SPATA7: variants seen among roughly 807,000 people sequenced by gnomAD.
The protein encoded by SPATA7 is spermatogenesis-associated protein 7.
A neutral mutation model predicts 51.8 loss-of-function variants in SPATA7; 43 were observed. The ratio of observed to expected loss-of-function variants is 0.83; its 90% CI spans 0.65 to 1.07. The LOEUF is 1.07. SPATA7 is among the 50% of genes least tolerant of loss of function. The probability of loss-of-function intolerance (pLI) is 0.00; values close to 1 mark genes in which losing one functional copy is unlikely to be tolerated. For missense variants in SPATA7, 683 were observed against 701.3 expected (o/e 0.97, Z 0.30); for synonymous variants, 230 against 252.8 (o/e 0.91, Z 0.86).
intron 3 of SPATA7, among the ~76,000 whole-genome samples, chr14:88,449,537 G>T (rs2077236632): frequency 6.6e-6 from 1 of 152,114 alleles, no homozygotes; most frequent in Admixed American, 6.5e-5. Context: ...GCTGATTAAT[G>T]AATATATACT....
chr14:88,469,696 C>A lies in SPATA7; in HGVS notation c.255-151C>A. 6.2e-7 allele frequency: 1 copy of A among 1,614,126 alleles called. No individual in the cohort carries two copies. Among genetic ancestry groups the A allele is most frequent in the South Asian group, 1.1e-5 (1 of 91,050 alleles). On this transcript the variant is annotated intron_variant, in intron 4 of 4. Transcript: ENST00000556406. This position sits in a 1 kb window ranked among gnomAD's most constrained non-coding sequence, Gnocchi z 4.3. Reference sequence around the variant, plus strand: ...GACAGTGTTGTGCCTGGAACCAAGTCGTGGCCAGTACCTAAAGCTCTTCTC... The same window carrying A: ...GACAGTGTTGTGCCTGGAACCAAGTAGTGGCCAGTACCTAAAGCTCTTCTC...
chr14:88,448,081 T>C (rs963704471), intron 3 of SPATA7, among the ~76,000 whole-genome samples: 13 of 152,272 alleles, frequency 8.5e-5, no homozygotes, highest in South Asian at 2.1e-4. Flanking sequence ...GCAGAGTGTT[T>C]TCCAACTTGG....
In SPATA7 at chr14:88,391,341, T is replaced by G. The variant is rs780439593; in HGVS notation, c.20-40T>G. 6.7e-6 allele frequency: 10 copies of G among 1,484,812 alleles called. No individual in the cohort carries two copies. The South Asian group carries it at 1.2e-4, about 17-fold the overall frequency. The allele number at this position is 1,484,812 out of a possible 1,614,324, so 92.0% of individuals were successfully genotyped here. ...TTGTTGTTTTTGTAAAAGTTGTGTTTCATTTATCCTAATTTATGATTTTTT... is the reference window on the plus strand; with the variant it reads ...TTGTTGTTTTTGTAAAAGTTGTGTTGCATTTATCCTAATTTATGATTTTTT... On this transcript the variant is annotated intron_variant, in intron 1 of 11. Transcript: ENST00000393545.
At chr14:88,436,756 C>T (rs1011314371) in intron 10 of SPATA7, among the ~76,000 whole-genome samples, 1 of 152,052 alleles carries the variant, frequency 6.6e-6, no homozygotes, top group African/African-American at 2.4e-5. Context: ...GGATTTGTTT[C>T]TGAGTTCTCT....
intron 6 of SPATA7, 131 bp from the exon 7 acceptor site, chr14:88,427,499 C>A: frequency 1.6e-6 from 1 of 631,000 alleles, no homozygotes; most frequent in Non-Finnish European, 2.8e-6. Flanking sequence ...TCAAATAATT[C>A]AAAATTATGT....
chr14:88,445,033 T>A (rs1031319853), intron 3 of SPATA7, among the ~76,000 whole-genome samples: 58 of 152,168 alleles, frequency 3.8e-4, no homozygotes, highest in African/African-American at 1.4e-3. Flanking sequence ...AAGTCATTGG[T>A]AGCTTGATGG....
chr14:88,454,566 G>A (rs978304301), intron 3 of SPATA7, among the ~76,000 whole-genome samples: 1 of 152,082 alleles, frequency 6.6e-6, no homozygotes, highest in Admixed American at 6.6e-5. Context: ...ACTTTGGGAG[G>A]CCAAGATGGG....
downstream of SPATA7, among the ~76,000 whole-genome samples, chr14:88,443,339 G>A (rs558245018): frequency 4.6e-5 from 7 of 152,208 alleles, no homozygotes; most frequent in African/African-American, 1.7e-4. Context: ...ATCTAGGAGG[G>A]TTGTATATTT....
rs922625124 is a variant in SPATA7, at chr14:88,429,517, T to C, written c.1028+54T>C. ...AACTGTCTTTAATTGCCTTCTTGTA[T>C]AACAGACATATAGTATTTGCCGCAT... On this transcript the variant is annotated intron_variant, in intron 8 of 11. Transcript: ENST00000393545. 3.6e-5 allele frequency: 41 copies of C among 1,124,356 alleles called. 1 individual carries two copies. In the South Asian group the frequency reaches 5.1e-4, roughly 14 times the overall value. The allele number at this position is 1,124,356 out of a possible 1,614,324, so 69.6% of individuals were successfully genotyped here.
chr14:88,426,548 C>T lies in SPATA7; in HGVS notation c.689C>T (p.Ser230Phe), dbSNP rs1248055951. The change falls in exon 6 of 12, where the codon TCT (serine) becomes TTT (phenylalanine). Residue 230 changes from serine (S) to phenylalanine (F), a missense_variant. Transcript: ENST00000393545. Reference sequence around the variant, plus strand: ...AGTGGGGATCTTTTGGATAAACATTCTGAACTCTTTTCTAACAAACAATTG... The same window carrying T: ...AGTGGGGATCTTTTGGATAAACATTTTGAACTCTTTTCTAACAAACAATTG... ...APSGDLLDKH[S>F]ELFSNKQLPF... The T allele has an allele frequency of 1.2e-6, 2 of 1,614,186 alleles. No individual in the cohort carries two copies. The highest frequency in any genetic ancestry group is 1.7e-6 in the Non-Finnish European group (2 of 1,180,038).
intron 3 of SPATA7, among the ~76,000 whole-genome samples, chr14:88,395,160 G>A (rs73321814): frequency 0.035 from 5,365 of 151,966 alleles, 311 homozygotes; most frequent in African/African-American, 0.12. Context: ...CCTGTACTCT[G>A]CTCTTCCACT....
intron 4 of SPATA7, among the ~76,000 whole-genome samples, chr14:88,401,060 G>A (rs1045430928): frequency 6.6e-6 from 1 of 152,068 alleles, no homozygotes; most frequent in African/African-American, 2.4e-5. Flanking sequence ...AAAGCTACAG[G>A]CCAATATATC....
intron 11 of SPATA7, 96 bp downstream of exon 11, chr14:88,437,693 G>T: frequency 7.5e-7 from 1 of 1,329,756 alleles, no homozygotes; most frequent in Non-Finnish European, 1.0e-6. Context: ...AAAAGCAAGT[G>T]CTTTTTTTTT....
At chr14:88,407,790 T>C (rs1485892207) in intron 4 of SPATA7, among the ~76,000 whole-genome samples, 1 of 152,180 alleles carries the variant, frequency 6.6e-6, no homozygotes, top group African/African-American at 2.4e-5. Flanking sequence ...TTGTATAAGG[T>C]GTAAGGAAGG....
chr14:88,430,531 C>A (rs2076912151), intron 8 of SPATA7, among the ~76,000 whole-genome samples: 1 of 152,026 alleles, frequency 6.6e-6, no homozygotes, highest in South Asian at 2.1e-4. Flanking sequence ...TGAATAATAA[C>A]AAAATTTATC....
chr14:88,465,458 C>A (rs935115057), intron 4 of SPATA7, among the ~76,000 whole-genome samples: 1 of 152,158 alleles, frequency 6.6e-6, no homozygotes, highest in African/African-American at 2.4e-5. Flanking sequence ...TAGAGCAAGA[C>A]TCCGTCTCAA....
At chr14:88,465,333 G>T (rs1348885438) in intron 4 of SPATA7, among the ~76,000 whole-genome samples, 1 of 152,124 alleles carries the variant, frequency 6.6e-6, no homozygotes, top group Non-Finnish European at 1.5e-5. Context: ...CGGGCATAGT[G>T]GTGCATGCCT....
At chr14:88,470,233 G>T in exon 5 of SPATA7, 1 of 612,540 alleles carries the variant, frequency 1.6e-6, no homozygotes, top group Non-Finnish European at 2.8e-6. Context: ...AATACAATTT[G>T]CATTACTGAC....
chr14:88,456,503 T>C (rs2077284709), downstream of SPATA7, among the ~76,000 whole-genome samples: 1 of 152,180 alleles, frequency 6.6e-6, no homozygotes, highest in African/African-American at 2.4e-5. Context: ...CATGTGTCTT[T>C]TGGCTGCATA....
Sources: allele counts gnomAD v4.1 joint callset (sites outside exome capture counted in the v4.1 genomes callset), GRCh38; gene constraint gnomAD v4.1.1; non-coding constraint Gnocchi (gnomAD v3.1); transcripts MANE v1.5; gene names NCBI Gene and HGNC (gene_info 2026-07-23, HGNC 2026-07-21).